The following PCDH11X variants were observed in gnomAD, a reference collection of about 807,000 sequenced individuals.
The protein encoded by PCDH11X is protocadherin-11 X-linked.
In PCDH11X, 18 loss-of-function variants were observed where a neutral mutation model predicts 53.3. That is an observed-to-expected ratio of 0.34 (90% CI 0.23 to 0.50). The LOEUF (loss-of-function observed/expected upper bound fraction) is 0.50, where lower values mean the gene tolerates loss of function less well. PCDH11X is among the 20% of genes least tolerant of loss of function. PCDH11X has a pLI of 0.98. For missense variants in PCDH11X, 570 were observed against 1,032.4 expected (o/e 0.55, Z 6.14); for synonymous variants, 279 against 393.3 (o/e 0.71, Z 3.44).
At chrX:92,549,699 G>A (rs2074921796) in intron 10 of PCDH11X, among the ~76,000 whole-genome samples, 2 of 107,996 alleles carry the variant, frequency 1.9e-5, no homozygotes, top group Non-Finnish European at 3.8e-5. Flanking sequence ...GCGAAAGAGA[G>A]CAAAAAACAT....
intron 6 of PCDH11X, among the ~76,000 whole-genome samples, chrX:92,134,658 C>A (rs1341117512): frequency 9.0e-6 from 1 of 110,853 alleles, no homozygotes; most frequent in African/African-American, 3.3e-5. Flanking sequence ...ATGGCTACTC[C>A]ATAGACATTT....
At chrX:91,820,665 A>T (rs1458117892) in intron 4 of PCDH11X, among the ~76,000 whole-genome samples, 8 of 102,624 alleles carry the variant, frequency 7.8e-5, no homozygotes, top group Non-Finnish European at 5.7e-5. Context: ...GTGCAGAAGC[A>T]CTTTAGTTTA....
At chrX:91,932,002 T>A (rs188812451) in intron 6 of PCDH11X, among the ~76,000 whole-genome samples, 1,618 of 110,547 alleles carry the variant, frequency 0.015, 42 homozygotes, top group African/African-American at 0.052. Context: ...TCAAGAGGCC[T>A]CAGTGTGTGT....
chrX:92,536,042 A>G (rs1373627600), intron 10 of PCDH11X, among the ~76,000 whole-genome samples: 2 of 106,817 alleles, frequency 1.9e-5, no homozygotes, highest in Admixed American at 1.0e-4. Flanking sequence ...TGATCTCTCT[A>G]CATATTTCTA....
intron 6 of PCDH11X, among the ~76,000 whole-genome samples, chrX:92,124,714 T>G (rs542516373): frequency 9.1e-6 from 1 of 109,959 alleles, no homozygotes; most frequent in African/African-American, 3.3e-5. Flanking sequence ...GGAATCTGAA[T>G]GTTAATGTAA....
chrX:91,983,692 C>G (rs1015434107), intron 6 of PCDH11X, among the ~76,000 whole-genome samples: 9 of 111,961 alleles, frequency 8.0e-5, no homozygotes, highest in Non-Finnish European at 1.7e-4. Flanking sequence ...ATTCAGTCAT[C>G]TCCCATCAGT....
At chrX:92,228,319 G>A (rs1195807604) in intron 7 of PCDH11X, among the ~76,000 whole-genome samples, 1 of 111,769 alleles carries the variant, frequency 8.9e-6, no homozygotes, top group East Asian at 2.8e-4. Context: ...AGTAATTTAA[G>A]TCCTGACAAG....
At chrX:92,042,785 C>T (rs1475228553) in intron 6 of PCDH11X, among the ~76,000 whole-genome samples, 2 of 106,219 alleles carry the variant, frequency 1.9e-5, no homozygotes, top group Non-Finnish European at 3.9e-5. Flanking sequence ...TGCAGGCTCC[C>T]ACCCCCACAC....
intron 6 of PCDH11X, among the ~76,000 whole-genome samples, chrX:92,185,160 C>T (rs1204983757): frequency 9.0e-6 from 1 of 110,842 alleles, no homozygotes; most frequent in Non-Finnish European, 1.9e-5. Flanking sequence ...GCAGGAGAAT[C>T]ACTTGAGACC....
At chrX:92,566,780 A>C (rs1921529914) in intron 10 of PCDH11X, among the ~76,000 whole-genome samples, 1 of 112,058 alleles carries the variant, frequency 8.9e-6, no homozygotes. Flanking sequence ...TTTGCCAGTT[A>C]GAAAAGTGAT....
chrX:92,379,091 C>A (rs2070814864), intron 8 of PCDH11X, among the ~76,000 whole-genome samples: 1 of 112,774 alleles, frequency 8.9e-6, no homozygotes, highest in African/African-American at 3.2e-5. Flanking sequence ...CTGTGGGAAC[C>A]AGGAACAGGT....
intron 6 of PCDH11X, among the ~76,000 whole-genome samples, chrX:91,995,792 C>T (rs1254684623): frequency 2.7e-5 from 3 of 110,192 alleles, no homozygotes; most frequent in African/African-American, 9.9e-5. Context: ...CATGGTAACA[C>T]TATAAATTCT....
At chrX:92,104,237 G>A (rs1306252579) in intron 6 of PCDH11X, among the ~76,000 whole-genome samples, 6 of 110,261 alleles carry the variant, frequency 5.4e-5, no homozygotes, top group Non-Finnish European at 1.1e-4. Flanking sequence ...ATTATAGGGT[G>A]GAGGAGTGGA....
chrX:92,350,691 T>G (rs2070023875), intron 8 of PCDH11X, among the ~76,000 whole-genome samples: 1 of 111,631 alleles, frequency 9.0e-6, no homozygotes, highest in African/African-American at 3.3e-5. Flanking sequence ...GAAGTAGTTC[T>G]TGGAGCAAAA....
At chrX:92,134,076 T>C (rs769825170) in intron 6 of PCDH11X, among the ~76,000 whole-genome samples, 1 of 111,729 alleles carries the variant, frequency 9.0e-6, no homozygotes, top group African/African-American at 3.3e-5. Context: ...TTTGAGTTTC[T>C]GATTAGCATT....
chrX:92,390,208 G>A (rs5984950), intron 9 of PCDH11X, among the ~76,000 whole-genome samples: 4,009 of 109,729 alleles, frequency 0.037, 156 homozygotes, highest in African/African-American at 0.11. Flanking sequence ...CCTACTAAAT[G>A]TGAAACCTCC....
Position 92,459,794 on chromosome X carries a change from G to A in PCDH11X, c.3344-8505G>A, listed in dbSNP as rs1298263551. ...GTCTATGCAGGCGCCGGGGGCTCTG[G>A]TTCCCGGATCTCCGTGTCCCGCTCC... On this transcript the variant is annotated intron_variant, in intron 9 of 10. Coordinates refer to ENST00000682573, the MANE Select transcript of PCDH11X (RefSeq NM_032968.5). 7 of 1,182,806 alleles carry A rather than the reference G, an allele frequency of 5.9e-6. No individual in the cohort carries two copies. In the East Asian group the frequency reaches 2.1e-4, roughly 35 times the overall value.
intron 9 of PCDH11X, among the ~76,000 whole-genome samples, chrX:92,438,857 G>A (rs2148632648): frequency 9.0e-6 from 1 of 111,035 alleles, no homozygotes; most frequent in East Asian, 2.8e-4. Context: ...TCATATGAAA[G>A]TTGTACTGAA....
At chrX:92,226,678 A>T (rs1483957517) in intron 7 of PCDH11X, among the ~76,000 whole-genome samples, 3 of 110,745 alleles carry the variant, frequency 2.7e-5, no homozygotes, top group African/African-American at 9.9e-5. Flanking sequence ...CCCCCTTTGG[A>T]GAAGAGGGAT....
Sources: allele counts gnomAD v4.1 joint callset (sites outside exome capture counted in the v4.1 genomes callset), GRCh38; gene constraint gnomAD v4.1.1; transcripts MANE v1.5; gene names NCBI Gene and HGNC (gene_info 2026-07-23, HGNC 2026-07-21).